Variants in LRRC46 observed in about 807,000 individuals in gnomAD.
LRRC46 encodes leucine-rich repeat-containing protein 46.
LRRC46 carries 20 observed loss-of-function variants against 28.0 expected under a neutral mutation model. That is an observed-to-expected ratio of 0.71 (90% CI 0.50 to 1.04). The LOEUF (loss-of-function observed/expected upper bound fraction) is 1.04. LRRC46 is among the 50% of genes least tolerant of loss of function. The pLI, the probability that LRRC46 is intolerant of heterozygous loss-of-function variation, is 0.00. For missense variants in LRRC46, 315 were observed against 390.1 expected (o/e 0.81, Z 1.62); for synonymous variants, 156 against 158.8 (o/e 0.98, Z 0.13).
chr17:47,834,571 C>A, intron 3 of LRRC46, 38 bp downstream of exon 3: 2 of 1,402,890 alleles, frequency 1.4e-6, no homozygotes, highest in Non-Finnish European at 2.0e-6. Flanking sequence ...CCCTTGACCC[C>A]TGTGGACCTA....
In LRRC46 at chr17:47,836,608, A is replaced by G; in HGVS notation, c.595+133A>G. 1 of 1,491,066 alleles carries G rather than the reference A, an allele frequency of 6.7e-7. No homozygotes were observed. Among genetic ancestry groups the G allele is most frequent in the Non-Finnish European group, 9.0e-7 (1 of 1,110,852 alleles). The allele number at this position is 1,491,066 out of a possible 1,614,324, so 92.4% of individuals were successfully genotyped here. On this transcript the variant is annotated intron_variant, in intron 7 of 7. Coordinates refer to ENST00000269025, the MANE Select transcript of LRRC46 (RefSeq NM_033413.4). This position sits in a 1 kb window ranked among gnomAD's most constrained non-coding sequence, Gnocchi z 5.8. ...TCAGATCAACATCTGGGCCAGAGCC[A>G]GGTGTCAGTCCTGGGCCCCAGCCTC...
intron 2 of LRRC46, 75 bp downstream of exon 2, chr17:47,832,280 A>ATC: frequency 9.5e-7 from 1 of 1,056,314 alleles, no homozygotes; most frequent in Non-Finnish European, 1.4e-6. Context: ...ACGTGTACTG[A>ATC]TTTGTCAACT....
chr17:47,837,024 GGGAA>G lies in LRRC46; in HGVS notation c.877_880del (p.Lys293GlyfsTer37). ...CCAGGGGCCACCAAAGCTCTTTCTG[GGGAA>G]GGAAGGGGGCACGAGCAGCCACAGC... On this transcript the variant is annotated frameshift_variant, in exon 8 of 8. Coordinates refer to ENST00000269025, the MANE Select transcript of LRRC46 (RefSeq NM_033413.4). LOFTEE classifies it low-confidence loss of function (END_TRUNC). The G allele has an allele frequency of 1.9e-6, 3 of 1,611,144 alleles. No homozygotes were observed. Among genetic ancestry groups the G allele is most frequent in the Non-Finnish European group, 2.5e-6 (3 of 1,179,306 alleles).
chr17:47,834,698 A>T, intron 3 of LRRC46, 165 bp downstream of exon 3: 1 of 536,768 alleles, frequency 1.9e-6, no homozygotes, highest in Non-Finnish European at 3.3e-6. Context: ...TGAATTGAAA[A>T]ACTAATTCCC....
At chr17:47,835,243 G>A in intron 3 of LRRC46, 110 bp from the exon 4 acceptor site, 1 of 1,111,452 alleles carries the variant, frequency 9.0e-7, no homozygotes, top group East Asian at 2.3e-5. Context: ...TTCCCAAAGT[G>A]CCAGATCTCC....
At position 47,833,833 on chromosome 17, in the gene LRRC46, C is replaced by G. The variant is rs548430790; in HGVS notation, c.117-592C>G. The G allele has an allele frequency of 2.1e-3, 1,335 of 622,636 alleles. 6 individuals carry two copies. The highest frequency in any genetic ancestry group is 2.4e-3 in the Non-Finnish European group (1,217 of 498,548). 38.6% of individuals were successfully genotyped at this position (622,636 alleles called of 1,614,324 possible). A position where few individuals can be genotyped will look rare whatever the true frequency, so the allele number is the denominator to read the frequency against. On this transcript the variant is annotated intron_variant, in intron 2 of 7. Coordinates refer to ENST00000269025, the MANE Select transcript of LRRC46 (RefSeq NM_033413.4). The stretch of plus-strand genomic sequence containing the variant: ...TGGCATAATCATGGCACACTGCAGC[C>G]TCGACCTCCTGGGCTCGAGCGATCC...
chr17:47,836,219 C>A lies in LRRC46; in HGVS notation c.453-114C>A. 1 of 1,576,650 alleles carries A rather than the reference C, an allele frequency of 6.3e-7. No homozygotes were observed. The highest frequency in any genetic ancestry group is 8.7e-7 in the Non-Finnish European group (1 of 1,150,124). On this transcript the variant is annotated intron_variant, in intron 6 of 7. Coordinates refer to ENST00000269025, the MANE Select transcript of LRRC46 (RefSeq NM_033413.4). The surrounding 1 kb of genome is among the most constrained non-coding windows in gnomAD (Gnocchi z 5.8). ...GTCCATGACACCTTCTCCCCCACCT[C>A]CTACCTAGCTCATGAGCCACCACCC...
intron 2 of LRRC46, chr17:47,833,929 A>G: frequency 1.0e-5 from 10 of 985,452 alleles, no homozygotes; most frequent in Non-Finnish European, 1.2e-5. Flanking sequence ...CTGCTTCTTT[A>G]TTAGTGGTGG....
chr17:47,834,328 C>T, intron 2 of LRRC46, 97 bp from the exon 3 acceptor site: 1 of 923,338 alleles, frequency 1.1e-6, no homozygotes, highest in East Asian at 2.6e-5. Flanking sequence ...CCAACTACCC[C>T]TCCTTGAAAC....
Position 47,831,884 on chromosome 17 carries a change from T to A in LRRC46, c.-106T>A, listed in dbSNP as rs2033638046. 2 of 1,476,692 alleles carry A rather than the reference T, an allele frequency of 1.4e-6. No homozygotes were observed. The highest frequency in any genetic ancestry group is 1.8e-5 in the Admixed American group (1 of 56,056). The allele number at this position is 1,476,692 out of a possible 1,614,324, so 91.5% of individuals were successfully genotyped here. Reference sequence around the variant, plus strand: ...TTTCCTCCTCTCCTAAGTCTCTGAGTTTCTCTCTCCTCCTGCCATCCTGAG... The same window carrying A: ...TTTCCTCCTCTCCTAAGTCTCTGAGATTCTCTCTCCTCCTGCCATCCTGAG... On this transcript the variant is annotated 5_prime_UTR_variant, in exon 1 of 8. Coordinates refer to ENST00000269025, the MANE Select transcript of LRRC46 (RefSeq NM_033413.4).
chr17:47,835,991 A>T (rs2033690083), intron 5 of LRRC46, 42 bp from the exon 6 acceptor site: 1 of 1,606,224 alleles, frequency 6.2e-7, no homozygotes, highest in Non-Finnish European at 8.5e-7. Flanking sequence ...TTTGGCTAAG[A>T]TCAAGTGAGA....
Position 47,835,101 on chromosome 17 carries a change from T to C in LRRC46, c.226-252T>C. The C allele has an allele frequency of 1.4e-5, 7 of 500,430 alleles. No homozygotes were observed. The South Asian group carries it at 1.8e-4, about 13-fold the overall frequency. 31.0% of individuals were successfully genotyped at this position (500,430 alleles called of 1,614,324 possible). A position where few individuals can be genotyped will look rare whatever the true frequency, so the allele number is the denominator to read the frequency against. ...CTTTTCTGATTCCCAGGTCACTCTT[T>C]GGTTGTGGAATCAGAAGAGTATACG... On this transcript the variant is annotated intron_variant, in intron 3 of 7. Transcript: ENST00000269025.
chr17:47,837,158 G>T lies in LRRC46; in HGVS notation c.*38G>T, dbSNP rs748983657. 1 of 1,584,532 alleles carries T rather than the reference G, an allele frequency of 6.3e-7. No individual in the cohort carries two copies. The highest frequency in any genetic ancestry group is 8.5e-7 in the Non-Finnish European group (1 of 1,173,122). ...CTTTCTCTACTAGTGGAGAGGAGTGGGGCCTGCCCCTCTTCTCAGACCTCT... is the reference window on the plus strand; with the variant it reads ...CTTTCTCTACTAGTGGAGAGGAGTGTGGCCTGCCCCTCTTCTCAGACCTCT... On this transcript the variant is annotated 3_prime_UTR_variant, in exon 8 of 8. Coordinates refer to ENST00000269025, the MANE Select transcript of LRRC46 (RefSeq NM_033413.4).
Position 47,832,216 on chromosome 17 carries a change from G to A in LRRC46, c.116+11G>A. On this transcript the variant is annotated intron_variant, in intron 2 of 7. Transcript: ENST00000269025. Reference sequence around the variant, plus strand: ...ACTGTCAGAGAAGATGTGAGTGCATGGGGGAGAAAAGGGGTGCTAGAAGGC... The same window carrying A: ...ACTGTCAGAGAAGATGTGAGTGCATAGGGGAGAAAAGGGGTGCTAGAAGGC... The A allele has an allele frequency of 6.4e-7, 1 of 1,560,044 alleles. No homozygotes were observed. Among genetic ancestry groups the A allele is most frequent in the South Asian group, 1.2e-5 (1 of 83,364 alleles).
At position 47,832,241 on chromosome 17, in the gene LRRC46, C is replaced by T. The variant is rs755821065; in HGVS notation, c.116+36C>T. On this transcript the variant is annotated intron_variant, in intron 2 of 7. Transcript: ENST00000269025. ...GGGGGAGAAAAGGGGTGCTAGAAGG[C>T]TGAAACACTCAGGATGACCAGGTCC... 14 of 1,466,410 alleles carry T rather than the reference C, an allele frequency of 9.5e-6. No individual in the cohort carries two copies. The East Asian group carries it at 3.2e-4, about 34-fold the overall frequency. 90.8% of individuals were successfully genotyped at this position (1,466,410 alleles called of 1,614,324 possible). A position where few individuals can be genotyped will look rare whatever the true frequency, so the allele number is the denominator to read the frequency against.
chr17:47,834,382 A>C (rs1298524283), intron 2 of LRRC46, 43 bp from the exon 3 acceptor site: 6 of 1,410,210 alleles, frequency 4.3e-6, no homozygotes, highest in Non-Finnish European at 1.0e-6. Flanking sequence ...AAGAGACCAC[A>C]TGAGTGGTGC....
chr17:47,836,268 C>T lies in LRRC46; in HGVS notation c.453-65C>T, dbSNP rs973202774. Reference sequence around the variant, plus strand: ...CCCTCCGGGTGTGAGTGCTGTGGTGCGTGTCTTTGCATCCTCCACGCCAGG... The same window carrying T: ...CCCTCCGGGTGTGAGTGCTGTGGTGTGTGTCTTTGCATCCTCCACGCCAGG... On this transcript the variant is annotated intron_variant, in intron 6 of 7. Transcript: ENST00000269025. This position sits in a 1 kb window ranked among gnomAD's most constrained non-coding sequence, Gnocchi z 5.8. 8.7e-6 allele frequency: 14 copies of T among 1,601,046 alleles called. No homozygotes were observed. Among genetic ancestry groups the T allele is most frequent in the African/African-American group, 8.0e-5 (6 of 74,722 alleles).
At chr17:47,835,265 A>G (rs2033679616) in intron 3 of LRRC46, 88 bp from the exon 4 acceptor site, 1 of 1,332,360 alleles carries the variant, frequency 7.5e-7, no homozygotes, top group Admixed American at 1.7e-5. Flanking sequence ...GCTGCAGAGT[A>G]GACATGGTCT....
intron 5 of LRRC46, 105 bp from the exon 6 acceptor site, chr17:47,835,928 G>C: frequency 7.2e-7 from 1 of 1,387,712 alleles, no homozygotes; most frequent in Non-Finnish European, 1.0e-6. Flanking sequence ...AGAGGTACTG[G>C]CTTTGGACTA....
Sources: allele counts gnomAD v4.1 joint callset, GRCh38; gene constraint gnomAD v4.1.1; non-coding constraint Gnocchi (gnomAD v3.1); transcripts MANE v1.5; gene names NCBI Gene and HGNC (gene_info 2026-07-23, HGNC 2026-07-21).